SAMD12: variants seen among roughly 807,000 people sequenced by gnomAD.
SAMD12 encodes the protein sterile alpha motif domain-containing protein 12.
Under a neutral mutation model 15.0 loss-of-function variants are expected in SAMD12, and 9 were observed. That is an observed-to-expected ratio of 0.60 (90% CI 0.36 to 1.05). SAMD12 has a LOEUF of 1.05. Among genes scored for constraint, SAMD12 ranks in the 50% least tolerant of loss-of-function variants. The pLI is 0.01. For missense variants in SAMD12, 230 were observed against 234.2 expected (o/e 0.98, Z 0.12); for synonymous variants, 86 against 90.1 (o/e 0.96, Z 0.25).
rs1167697754 is a variant in SAMD12 at position 118,425,559 on chromosome 8, TA to T, written c.322+14272del. ...AAATCAAATGGAAACAGGAGTTTTTTAAAACAGGGACAACAGAATGGATCAT... is the reference window on the plus strand; with the variant it reads ...AAATCAAATGGAAACAGGAGTTTTTTAAACAGGGACAACAGAATGGATCAT... On this transcript the variant is annotated intron_variant, in intron 3 of 3. Coordinates refer to ENST00000314727, the MANE Select transcript of SAMD12 (RefSeq NM_207506.3). Among the ~76,000 whole-genome samples the T allele has an allele frequency of 3.3e-5, 5 of 152,268 alleles. No homozygotes were observed. The East Asian group carries it at 9.7e-4, about 30-fold the overall frequency.
At position 118,283,822 on chromosome 8, in the gene SAMD12, G is replaced by A. The variant is rs146910361; in HGVS notation, c.434-86090C>T. 3.1e-3 allele frequency among the ~76,000 whole-genome samples: 467 copies of A among 152,226 alleles called. 3 individuals are homozygous for A. Among genetic ancestry groups the A allele is most frequent in the African/African-American group, 0.011 (450 of 41,548 alleles). On this transcript the variant is annotated intron_variant, in intron 4 of 4. Transcript: ENST00000409003. The stretch of plus-strand genomic sequence containing the variant: ...GCAGATGAATATGGGATTAAACAGG[G>A]GAACTTGGGCTTGAAGAGTAAGGTT...
chr8:118,171,930 A>G, the SAMD12 span, among the ~76,000 whole-genome samples: 5 of 152,176 alleles, frequency 3.3e-5, no homozygotes, highest in East Asian at 5.8e-4. Context: ...ACGCCATAAA[A>G]AAGGATGAGT....
At chr8:118,296,008 A>C (rs1418870552) in intron 4 of SAMD12, among the ~76,000 whole-genome samples, 1 of 152,102 alleles carries the variant, frequency 6.6e-6, no homozygotes, top group Non-Finnish European at 1.5e-5. Flanking sequence ...AAAATATAGG[A>C]TCCAGATCTT....
chr8:118,578,276 C>T (rs1827200233), intron 2 of SAMD12, among the ~76,000 whole-genome samples: 1 of 152,164 alleles, frequency 6.6e-6, no homozygotes, highest in Admixed American at 6.5e-5. Context: ...TAGCCAGTGT[C>T]CTGTGAATGA....
At chr8:118,595,983 G>A (rs1827713456) in intron 1 of SAMD12, among the ~76,000 whole-genome samples, 1 of 152,198 alleles carries the variant, frequency 6.6e-6, no homozygotes, top group East Asian at 1.9e-4. Flanking sequence ...TTTGGTCAAT[G>A]GATATAAGTG....
At chr8:118,203,896 T>A (rs2514749) in intron 4 of SAMD12, among the ~76,000 whole-genome samples, 77,876 of 150,696 alleles carry the variant, frequency 0.52, 21,527 homozygotes, top group Non-Finnish European at 0.63. Flanking sequence ...CCATGTCCCT[T>A]CAAAGGACAT....
chr8:118,283,346 T>A (rs559588426), intron 4 of SAMD12, among the ~76,000 whole-genome samples: 2 of 152,302 alleles, frequency 1.3e-5, no homozygotes, highest in Admixed American at 1.3e-4. Flanking sequence ...GTCAGAGCAA[T>A]TAGGCATGCA....
At chr8:118,530,874 C>T (rs181231689) in intron 2 of SAMD12, among the ~76,000 whole-genome samples, 2 of 152,284 alleles carry the variant, frequency 1.3e-5, no homozygotes, top group Admixed American at 6.5e-5. Flanking sequence ...CAGGGACTTA[C>T]TCTGTAGCCC....
chr8:118,250,543 C>T (rs1400072310), intron 4 of SAMD12, among the ~76,000 whole-genome samples: 1 of 150,822 alleles, frequency 6.6e-6, no homozygotes, highest in Non-Finnish European at 1.5e-5. Context: ...CACTCTGTCA[C>T]CAAGGCTGGA....
At chr8:118,607,116 C>A (rs1217821125) in intron 1 of SAMD12, among the ~76,000 whole-genome samples, 4 of 152,128 alleles carry the variant, frequency 2.6e-5, no homozygotes, top group African/African-American at 7.2e-5. Flanking sequence ...TCCTACCCTA[C>A]CTGGAATTAG....
chr8:118,148,841 T>C, the SAMD12 span, among the ~76,000 whole-genome samples: 2 of 152,242 alleles, frequency 1.3e-5, no homozygotes, highest in African/African-American at 4.8e-5. Context: ...GCTTTACCCA[T>C]GTTACAGCAT....
chr8:118,138,454 C>T, the SAMD12 span, among the ~76,000 whole-genome samples: 11 of 152,236 alleles, frequency 7.2e-5, no homozygotes, highest in East Asian at 1.9e-4. Flanking sequence ...AAAGGAGGCT[C>T]GGGTGAGACC....
intron 4 of SAMD12, among the ~76,000 whole-genome samples, chr8:118,299,731 C>A (rs1474581621): frequency 2.6e-5 from 4 of 152,146 alleles, no homozygotes; most frequent in Admixed American, 1.3e-4. Context: ...CAAAAATATA[C>A]TAAGATGGAT....
chr8:118,175,824 A>G, the SAMD12 span, among the ~76,000 whole-genome samples: 1 of 152,244 alleles, frequency 6.6e-6, no homozygotes, highest in Non-Finnish European at 1.5e-5. Context: ...TATTATTAAA[A>G]AGTCAAGAAG....
chr8:118,165,615 T>TAAAACATAACATATAC, the SAMD12 span, among the ~76,000 whole-genome samples: 6 of 3,264 alleles, frequency 1.8e-3, no homozygotes, highest in Non-Finnish European at 0.017. Context: ...TATATATATG[T>TAAAACATAACATATAC]ATATATATAT....
chr8:118,288,372 T>C (rs1814168144), intron 4 of SAMD12: 1 of 152,232 alleles, frequency 6.6e-6, no homozygotes, highest in African/African-American at 2.4e-5. Context: ...CTGTCTGTTA[T>C]GATCTTTGAA....
exon 5 of SAMD12, chr8:118,195,179 A>ATATTTT (rs1276036315): frequency 6.6e-5 from 10 of 152,238 alleles, no homozygotes; most frequent in African/African-American, 2.4e-4. Flanking sequence ...CAAAGGCCAA[A>ATATTTT]GTAAGTAACA....
chr8:118,412,457 G>T (rs975509575), intron 3 of SAMD12, among the ~76,000 whole-genome samples: 1 of 152,172 alleles, frequency 6.6e-6, no homozygotes, highest in Non-Finnish European at 1.5e-5. Flanking sequence ...TTCGTTGCTT[G>T]AGCAATGATT....
At chr8:118,502,747 C>T (rs1304172706) in intron 2 of SAMD12, among the ~76,000 whole-genome samples, 2 of 152,180 alleles carry the variant, frequency 1.3e-5, no homozygotes, top group African/African-American at 4.8e-5. Flanking sequence ...GTAGATTTTG[C>T]AGGCTTTTGC....
Sources: allele counts gnomAD v4.1 joint callset (sites outside exome capture counted in the v4.1 genomes callset), GRCh38; gene constraint gnomAD v4.1.1; transcripts MANE v1.5; gene names NCBI Gene and HGNC (gene_info 2026-07-23, HGNC 2026-07-21).